PDS5A: variants seen among roughly 807,000 people sequenced by gnomAD.
PDS5A encodes sister chromatid cohesion protein PDS5 homolog A.
A neutral mutation model predicts 167.1 loss-of-function variants in PDS5A; 42 were observed. The observed-to-expected ratio is 0.25, with a 90% CI of 0.20 to 0.33. The LOEUF is 0.33. Ranked by LOEUF, PDS5A falls within the 10% of genes least tolerant of loss-of-function variation. PDS5A has a pLI of 1.00. For synonymous variants in PDS5A, 553 were observed against 554.6 expected (o/e 1.00, Z 0.04); for missense variants, 1,033 against 1,605.9 (o/e 0.64, Z 6.10).
At chr4:39,938,381 C>T (rs375250871) in intron 2 of PDS5A, among the ~76,000 whole-genome samples, 19 of 152,104 alleles carry the variant, frequency 1.2e-4, no homozygotes, top group African/African-American at 4.3e-4. Flanking sequence ...ATGGTGAAAA[C>T]CCATCTCTAC....
At chr4:39,953,776 A>G (rs901250479) in intron 2 of PDS5A, among the ~76,000 whole-genome samples, 2 of 152,130 alleles carry the variant, frequency 1.3e-5, no homozygotes, top group Admixed American at 1.3e-4. Context: ...AAAATATAAA[A>G]CACTGAAATG....
At chr4:39,907,044 C>G (rs1315615191) in intron 11 of PDS5A, among the ~76,000 whole-genome samples, 1 of 151,768 alleles carries the variant, frequency 6.6e-6, no homozygotes, top group Admixed American at 6.6e-5. Flanking sequence ...CAGAAAATAT[C>G]CAGTAGGTGT....
intron 2 of PDS5A, among the ~76,000 whole-genome samples, chr4:39,929,615 G>A (rs1430999329): frequency 6.8e-6 from 1 of 146,174 alleles, no homozygotes; most frequent in Non-Finnish European, 1.5e-5. Flanking sequence ...GCGTGTGTGT[G>A]TGTGTGTGTG....
At chr4:39,900,900 G>A (rs1003751745) in intron 13 of PDS5A, among the ~76,000 whole-genome samples, 1 of 152,104 alleles carries the variant, frequency 6.6e-6, no homozygotes, top group Non-Finnish European at 1.5e-5. Flanking sequence ...GCATTCCACA[G>A]ACACAGATCA....
chr4:39,874,772 C>T (rs1387377035), intron 19 of PDS5A, among the ~76,000 whole-genome samples: 2 of 152,174 alleles, frequency 1.3e-5, no homozygotes, highest in Non-Finnish European at 2.9e-5. Flanking sequence ...CTTTTATAAT[C>T]CCCTTCAGTT....
intron 32 of PDS5A, among the ~76,000 whole-genome samples, chr4:39,831,875 CAAAAAAAAAAAAAAAAA>C (rs58913167): frequency 1.2e-4 from 3 of 25,936 alleles, no homozygotes; most frequent in Non-Finnish European, 1.3e-4. Flanking sequence ...AAACTCGTCT[CAAAAAAAAAAAAAAAAA>C]AAAAAAAAAA....
chr4:39,872,734 A>G (rs1720157013), intron 21 of PDS5A: 1 of 263,414 alleles, frequency 3.8e-6, no homozygotes, highest in African/African-American at 2.2e-5. Context: ...AATAGCTTTT[A>G]CTTATATGTA....
At position 39,945,293 on chromosome 4, in the gene PDS5A, C is replaced by T. The variant is rs369990151; in HGVS notation, c.139-17129G>A. On this transcript the variant is annotated intron_variant, in intron 2 of 32. Coordinates refer to ENST00000303538, the MANE Select transcript of PDS5A (RefSeq NM_001100399.2). ...GGCTAACATGGTGAAACCCCCGTCT[C>T]TACTAAAAATACAAAAAATTAGCCA... Among the ~76,000 whole-genome samples, 125 of 151,744 alleles carry T rather than the reference C, an allele frequency of 8.2e-4. 3 individuals are homozygous for T. Among genetic ancestry groups the T allele is most frequent in the Non-Finnish European group, 7.7e-4 (52 of 67,938 alleles).
intron 2 of PDS5A, among the ~76,000 whole-genome samples, chr4:39,968,062 AACTT>A (rs1490402231): frequency 1.3e-5 from 2 of 152,230 alleles, no homozygotes. Flanking sequence ...CTACATAACT[AACTT>A]AATTCCATTA....
chr4:39,846,841 GA>G (rs1560422992), intron 28 of PDS5A: 1 of 152,088 alleles, frequency 6.6e-6, no homozygotes, highest in Non-Finnish European at 1.5e-5. Context: ...TGCCTGTGAG[GA>G]AATCACAGTT....
chr4:39,937,850 T>C (rs1726774899), intron 2 of PDS5A, among the ~76,000 whole-genome samples: 1 of 152,264 alleles, frequency 6.6e-6, no homozygotes, highest in South Asian at 2.1e-4. Context: ...TCACCTCTGG[T>C]GGTGCCCTAA....
Position 39,839,704 on chromosome 4 carries a change from A to G in PDS5A, c.3658-1496T>C, listed in dbSNP as rs1716771446. Among the ~76,000 whole-genome samples, 10 of 141,996 alleles carry G rather than the reference A, an allele frequency of 7.0e-5. No homozygotes were observed. The South Asian group carries it at 1.9e-3, about 27-fold the overall frequency. The allele number at this position is 141,996 out of a possible 152,430, so 93.2% of individuals were successfully genotyped here. ...ATATCTAAAATATTTGATGACTACA[A>G]TAAGTATATGGTGAGCAATAAAAAG... On this transcript the variant is annotated intron_variant, in intron 31 of 32. Transcript: ENST00000303538.
At position 39,873,880 on chromosome 4, in the gene PDS5A, T is replaced by TA. The variant is rs1403179008; in HGVS notation, c.2277+408dup. ...GCAACATGGCAAAACCCCATCTCTATAAAAAAATCCAAAAATTAGCTAGGC... is the reference window on the plus strand; with the variant it reads ...GCAACATGGCAAAACCCCATCTCTATAAAAAAAATCCAAAAATTAGCTAGGC... On this transcript the variant is annotated intron_variant, in intron 20 of 32. Coordinates refer to ENST00000303538, the MANE Select transcript of PDS5A (RefSeq NM_001100399.2). Among the ~76,000 whole-genome samples the TA allele has an allele frequency of 5.9e-5, 9 of 151,960 alleles. No individual in the cohort carries two copies. In the East Asian group the frequency reaches 1.4e-3, roughly 23 times the overall value.
Position 39,839,077 on chromosome 4 carries a change from T to C in PDS5A, c.3658-869A>G, listed in dbSNP as rs146448898. On this transcript the variant is annotated intron_variant, in intron 31 of 32. Transcript: ENST00000303538. Reference sequence around the variant, plus strand: ...AACTCTCAATGTAACTCAATGTCTATGGCAATATGCATTTTTCTATGTAAG... The same window carrying C: ...AACTCTCAATGTAACTCAATGTCTACGGCAATATGCATTTTTCTATGTAAG... Among the ~76,000 whole-genome samples, 842 of 152,264 alleles carry C rather than the reference T, an allele frequency of 5.5e-3. 7 individuals are homozygous for C. The highest frequency in any genetic ancestry group is 0.019 in the African/African-American group (773 of 41,546).
chr4:39,885,246 TAAAAA>T (rs34192127), intron 17 of PDS5A, among the ~76,000 whole-genome samples: 2 of 110,340 alleles, frequency 1.8e-5, no homozygotes, highest in Admixed American at 1.0e-4. Context: ...GATTCCTTCT[TAAAAA>T]AAAAAAAAAA....
chr4:39,896,026 G>GTTT (rs34412885), intron 16 of PDS5A, among the ~76,000 whole-genome samples: 2 of 132,986 alleles, frequency 1.5e-5, no homozygotes, highest in Non-Finnish European at 1.6e-5. Flanking sequence ...ACCTGGCCCG[G>GTTT]TTTTTTTTTT....
At chr4:39,949,154 T>G (rs1392447575) in intron 2 of PDS5A, among the ~76,000 whole-genome samples, 1 of 149,524 alleles carries the variant, frequency 6.7e-6, no homozygotes, top group African/African-American at 2.5e-5. Flanking sequence ...AAAAAAAAGA[T>G]AGCCAGGTGT....
At chr4:39,921,827 C>T (rs1032617061) in intron 6 of PDS5A, among the ~76,000 whole-genome samples, 4 of 152,136 alleles carry the variant, frequency 2.6e-5, no homozygotes, top group Admixed American at 1.3e-4. Flanking sequence ...AATATACTCT[C>T]CTTTGCCATA....
At chr4:39,924,529 G>GA (rs1321830388) in intron 5 of PDS5A, among the ~76,000 whole-genome samples, 2 of 152,070 alleles carry the variant, frequency 1.3e-5, no homozygotes, top group Non-Finnish European at 2.9e-5. Flanking sequence ...TCCATCTAAG[G>GA]AAAAAGAAAA....
Sources: gnomAD v4.1 joint callset for allele counts (sites outside exome capture counted in the v4.1 genomes callset) on GRCh38, gnomAD v4.1.1 for gene constraint, MANE v1.5 for transcripts, NCBI Gene and HGNC (gene_info 2026-07-23, HGNC 2026-07-21) for gene names.